ZFAT: variants seen among roughly 807,000 people sequenced by gnomAD.
ZFAT encodes the protein zinc finger protein ZFAT.
In ZFAT, 64 loss-of-function variants were observed where a neutral mutation model predicts 117.7. The ratio of observed to expected loss-of-function variants is 0.54; its 90% CI spans 0.44 to 0.67. The LOEUF (loss-of-function observed/expected upper bound fraction) is 0.67. ZFAT is among the 30% of genes least tolerant of loss of function. ZFAT has a pLI of 0.00. For missense variants in ZFAT, 1,433 were observed against 1,584.5 expected (o/e 0.90, Z 1.62); for synonymous variants, 679 against 615.0 (o/e 1.10, Z -1.54).
intron 12 of ZFAT, among the ~76,000 whole-genome samples, chr8:134,528,354 A>G (rs1370806695): frequency 2.0e-5 from 3 of 152,238 alleles, no homozygotes; most frequent in Non-Finnish European, 4.4e-5. Flanking sequence ...ATTATATCAC[A>G]TCACTAGAAG....
intron 11 of ZFAT, among the ~76,000 whole-genome samples, chr8:134,540,480 C>T (rs1303811520): frequency 2.6e-5 from 4 of 152,154 alleles, no homozygotes; most frequent in African/African-American, 9.7e-5. Flanking sequence ...CATTCTCTTC[C>T]CTTCTAGAGA....
the ZFAT span, among the ~76,000 whole-genome samples, chr8:134,751,135 C>T: frequency 6.6e-6 from 1 of 151,930 alleles, no homozygotes; most frequent in Non-Finnish European, 1.5e-5. Flanking sequence ...AAGAGCAGAA[C>T]ATGGGTGGAT....
intron 15 of ZFAT, among the ~76,000 whole-genome samples, chr8:134,507,112 G>T (rs1002694068): frequency 6.6e-6 from 1 of 152,148 alleles, no homozygotes; most frequent in Non-Finnish European, 1.5e-5. Context: ...TTTCCAACTG[G>T]TGCAACAGAG....
intron 1 of ZFAT, among the ~76,000 whole-genome samples, chr8:134,658,249 A>C (rs1831735924): frequency 6.7e-6 from 1 of 148,360 alleles, no homozygotes; most frequent in African/African-American, 2.5e-5. Context: ...AGGCAGGAGG[A>C]TGGCGTGAAC....
chr8:134,564,988 T>C, intron 11 of ZFAT: 1 of 1,261,356 alleles, frequency 7.9e-7, no homozygotes, highest in Non-Finnish European at 1.0e-6. Context: ...GTGACTCACC[T>C]GCAGCAATCC....
the ZFAT span, among the ~76,000 whole-genome samples, chr8:134,746,390 A>G: frequency 6.6e-6 from 1 of 152,240 alleles, no homozygotes; most frequent in African/African-American, 2.4e-5. Context: ...AACGTAGAAC[A>G]CCGCAAGACC....
intron 2 of ZFAT, among the ~76,000 whole-genome samples, chr8:134,653,188 C>CT (rs1279558984): frequency 7.6e-6 from 1 of 131,154 alleles, no homozygotes. Flanking sequence ...TATTATAATA[C>CT]TTTAAGTTTT....
chr8:134,549,838 G>A (rs918544882), intron 11 of ZFAT, among the ~76,000 whole-genome samples: 3 of 152,070 alleles, frequency 2.0e-5, no homozygotes, highest in East Asian at 1.9e-4. Flanking sequence ...CCAGACCCCC[G>A]TGACCCACTG....
chr8:134,515,252 G>A (rs1415048168), intron 13 of ZFAT, among the ~76,000 whole-genome samples: 2 of 152,178 alleles, frequency 1.3e-5, no homozygotes, highest in African/African-American at 4.8e-5. Flanking sequence ...ATTGTGAATA[G>A]TGCTGCAATA....
At chr8:134,829,690 C>T in the ZFAT span, among the ~76,000 whole-genome samples, 1 of 152,124 alleles carries the variant, frequency 6.6e-6, no homozygotes, top group Non-Finnish European at 1.5e-5. Context: ...ATTTGTTTTG[C>T]AATCTTACAC....
At chr8:134,670,504 T>G (rs1242260972) in intron 1 of ZFAT, among the ~76,000 whole-genome samples, 1 of 152,254 alleles carries the variant, frequency 6.6e-6, no homozygotes, top group Non-Finnish European at 1.5e-5. Context: ...GAATGACTAC[T>G]GAGTACATAA....
At chr8:134,654,592 T>C (rs1437860836) in intron 2 of ZFAT, among the ~76,000 whole-genome samples, 1 of 152,016 alleles carries the variant, frequency 6.6e-6, no homozygotes, top group African/African-American at 2.4e-5. Context: ...AAGTCAGGGG[T>C]CTTATACTCG....
chr8:134,565,493 T>G, intron 10 of ZFAT, 72 bp from the exon 11 acceptor site: 1 of 1,398,258 alleles, frequency 7.2e-7, no homozygotes, highest in Non-Finnish European at 1.0e-6. Flanking sequence ...GTGCCAGGCA[T>G]GGAGCCAGGT....
chr8:134,523,010 C>T (rs573859747), intron 12 of ZFAT, among the ~76,000 whole-genome samples: 53 of 152,306 alleles, frequency 3.5e-4, no homozygotes, highest in South Asian at 1.7e-3. Flanking sequence ...AGTTCCCCTC[C>T]GCCTTCCAAG....
At chr8:134,748,643 T>G in the ZFAT span, among the ~76,000 whole-genome samples, 4 of 152,238 alleles carry the variant, frequency 2.6e-5, no homozygotes, top group South Asian at 8.3e-4. Context: ...AACGCGACAC[T>G]GTTCTCCACA....
At position 134,589,213 on chromosome 8, in the gene ZFAT, T is replaced by C. The variant is rs182581713; in HGVS notation, c.2564-818A>G. ...AGGTTAGCTGTTTTAAGAATAACTT[T>C]GGCTCACATTGGATCCCATGTCACT... is the stretch of plus-strand genomic sequence containing the variant. On this transcript the variant is annotated intron_variant, in intron 8 of 15. Transcript: ENST00000377838. Among the ~76,000 whole-genome samples, 50 of 152,372 alleles carry C rather than the reference T, an allele frequency of 3.3e-4. No individual in the cohort carries two copies. The East Asian group carries it at 8.1e-3, about 25-fold the overall frequency.
At chr8:134,673,642 T>A (rs1193709154) in intron 1 of ZFAT, 2 of 152,414 alleles carry the variant, frequency 1.3e-5, no homozygotes, top group Non-Finnish European at 2.9e-5. Context: ...TTGTATCTTT[T>A]CCTTCCTACC....
intron 1 of ZFAT, among the ~76,000 whole-genome samples, chr8:134,691,072 T>A (rs1260578793): frequency 6.6e-6 from 1 of 152,242 alleles, no homozygotes; most frequent in Non-Finnish European, 1.5e-5. Flanking sequence ...CCAGCCTGTA[T>A]CCAAACAAGG....
At chr8:134,701,300 C>T (rs755614834) in intron 1 of ZFAT, among the ~76,000 whole-genome samples, 21 of 152,166 alleles carry the variant, frequency 1.4e-4, no homozygotes, top group African/African-American at 4.8e-5. Context: ...TATCTTATTT[C>T]ACTGTGCACA....
Sources: allele counts gnomAD v4.1 joint callset (sites outside exome capture counted in the v4.1 genomes callset), GRCh38; gene constraint gnomAD v4.1.1; transcripts MANE v1.5; gene names NCBI Gene and HGNC (gene_info 2026-07-23, HGNC 2026-07-21).